Variants in PBRM1 observed in about 807,000 individuals in gnomAD.
PBRM1 encodes protein polybromo-1.
A neutral mutation model predicts 194.5 loss-of-function variants in PBRM1; 27 were observed. The ratio of observed to expected loss-of-function variants is 0.14; its 90% CI spans 0.10 to 0.19. The LOEUF (loss-of-function observed/expected upper bound fraction) is 0.19, where lower values mean the gene tolerates loss of function less well. PBRM1 is among the 10% of genes least tolerant of loss of function. The probability of loss-of-function intolerance (pLI) is 1.00; values close to 1 mark genes in which losing one functional copy is unlikely to be tolerated. For synonymous variants in PBRM1, 655 were observed against 693.2 expected (o/e 0.94, Z 0.87); for missense variants, 1,466 against 2,077.2 (o/e 0.71, Z 5.72).
intron 1 of PBRM1, among the ~76,000 whole-genome samples, chr3:52,679,057 T>C (rs138062508): frequency 1.3e-5 from 2 of 152,224 alleles, no homozygotes; most frequent in African/African-American, 4.8e-5. Context: ...TTCCTGACCA[T>C]CCCCTGCTCT....
intron 9 of PBRM1, among the ~76,000 whole-genome samples, chr3:52,642,608 CAAA>C (rs201394004): frequency 6.9e-4 from 67 of 97,514 alleles, no homozygotes; most frequent in East Asian, 1.6e-3. Context: ...AACTTCGTCT[CAAA>C]AAAAAAAAAA....
At chr3:52,660,944 T>C (rs1416864404) in intron 4 of PBRM1, among the ~76,000 whole-genome samples, 2 of 152,350 alleles carry the variant, frequency 1.3e-5, no homozygotes, top group East Asian at 3.9e-4. Context: ...TGCAATGTGC[T>C]TCTCACAATT....
rs191823388 is a variant in PBRM1, at chr3:52,549,102, C to T, written c.4898-867G>A. On this transcript the variant is annotated intron_variant, in intron 29 of 29. Coordinates refer to ENST00000296302, the Ensembl canonical transcript of PBRM1. ...GTGGTGCGATCTTGGCTCACTGCAA[C>T]CTCCACCTCCGGGTTCAAATGATTC... Among the ~76,000 whole-genome samples the T allele has an allele frequency of 1.9e-3, 292 of 151,834 alleles. 2 individuals are homozygous for T. The highest frequency in any genetic ancestry group is 3.1e-3 in the Non-Finnish European group (214 of 67,970).
chr3:52,561,658 TAAA>T, intron 25 of PBRM1, 106 bp downstream of exon 27: 1 of 959,660 alleles, frequency 1.0e-6, no homozygotes, highest in Non-Finnish European at 1.7e-6. Flanking sequence ...GTCCCCAAAA[TAAA>T]AGTTCATGTG....
intron 7 of PBRM1, among the ~76,000 whole-genome samples, chr3:52,645,595 CA>C: frequency 6.6e-6 from 1 of 151,412 alleles, no homozygotes; most frequent in East Asian, 1.9e-4. Flanking sequence ...TTGCCAGCAT[CA>C]CAACTCTTGT....
At chr3:52,636,775 A>AG (rs1032689747) in intron 10 of PBRM1, among the ~76,000 whole-genome samples, 1 of 148,582 alleles carries the variant, frequency 6.7e-6, no homozygotes, top group African/African-American at 2.5e-5. Context: ...AAAAAAAAAA[A>AG]AAAAAAAAAA....
At chr3:52,578,959 G>T in intron 21 of PBRM1, 95 bp downstream of exon 23, 1 of 1,150,106 alleles carries the variant, frequency 8.7e-7, no homozygotes, top group Non-Finnish European at 1.3e-6. Context: ...ACTGCCAGGG[G>T]AAGGACTTTT....
intron 17 of PBRM1, among the ~76,000 whole-genome samples, chr3:52,596,163 G>C (rs1363845807): frequency 6.6e-6 from 1 of 151,842 alleles, no homozygotes; most frequent in Non-Finnish European, 1.5e-5. Context: ...ATTGTGGCTG[G>C]GCGCGGTGGC....
At chr3:52,628,394 G>A (rs183243230) in intron 12 of PBRM1, among the ~76,000 whole-genome samples, 3 of 148,798 alleles carry the variant, frequency 2.0e-5, no homozygotes, top group Non-Finnish European at 4.5e-5. Context: ...CAGTACTTGA[G>A]GATGAAATAC....
At chr3:52,641,764 A>G (rs1560670052) in intron 10 of PBRM1, among the ~76,000 whole-genome samples, 190 bp downstream of exon 11, 1 of 152,212 alleles carries the variant, frequency 6.6e-6, no homozygotes, top group Non-Finnish European at 1.5e-5. Context: ...ATTTACCCAA[A>G]TATGAGTTTT....
intron 5 of PBRM1, among the ~76,000 whole-genome samples, chr3:52,655,152 AC>A (rs1192502244): frequency 6.6e-6 from 1 of 152,070 alleles, no homozygotes; most frequent in Non-Finnish European, 1.5e-5. Context: ...GTACACTCAC[AC>A]TGCTGTGCAA....
intron 25 of PBRM1, among the ~76,000 whole-genome samples, chr3:52,559,475 A>G (rs944290789): frequency 1.3e-5 from 2 of 152,112 alleles, no homozygotes; most frequent in African/African-American, 4.8e-5. Context: ...CACTCATCAC[A>G]TAGGCAAATG....
chr3:52,684,628 T>C (rs2097279624), upstream of PBRM1, among the ~76,000 whole-genome samples: 1 of 152,238 alleles, frequency 6.6e-6, no homozygotes, highest in African/African-American at 2.4e-5. Context: ...TATATTATTC[T>C]ACAGCCTGTG....
chr3:52,567,806 G>GTTTT (rs1163710948), intron 22 of PBRM1, among the ~76,000 whole-genome samples: 4 of 98,150 alleles, frequency 4.1e-5, no homozygotes, highest in African/African-American at 1.1e-4. Flanking sequence ...TAATTTTTGT[G>GTTTT]TTTTTTTTTT....
At chr3:52,588,928 C>G (rs2092738007) in intron 18 of PBRM1, 142 bp downstream of exon 20, 1 of 623,350 alleles carries the variant, frequency 1.6e-6, no homozygotes, top group South Asian at 1.9e-5. Flanking sequence ...ATGATGGGTG[C>G]TTACTTACAT....
intron 28 of PBRM1, 54 bp from the exon 31 acceptor site, chr3:52,550,691 T>G (rs2080755123): frequency 1.3e-6 from 2 of 1,585,962 alleles, no homozygotes; most frequent in South Asian, 1.1e-5. Context: ...GCACATGTTC[T>G]GAGAAGGATA....
At chr3:52,578,237 T>A (rs1204153149) in intron 21 of PBRM1, among the ~76,000 whole-genome samples, 1 of 152,220 alleles carries the variant, frequency 6.6e-6, no homozygotes, top group African/African-American at 2.4e-5. Flanking sequence ...CTACGGCACG[T>A]ATCATGACCT....
intron 7 of PBRM1, among the ~76,000 whole-genome samples, chr3:52,645,131 T>C (rs1052534381): frequency 6.6e-6 from 1 of 152,188 alleles, no homozygotes; most frequent in Non-Finnish European, 1.5e-5. Flanking sequence ...ACCTTGAACA[T>C]TGCCAAACCT....
rs769405987 is a variant in PBRM1, at chr3:52,587,228, T to C, written c.3123+125A>G. On this transcript the variant is annotated intron_variant, in intron 19 of 29. Transcript: ENST00000296302. ...TCCCAAATCTTTTCATATAGCTATATAGACACGGCTTAAAAAATAGCTTAA... is the reference window on the plus strand; with the variant it reads ...TCCCAAATCTTTTCATATAGCTATACAGACACGGCTTAAAAAATAGCTTAA... 2.6e-5 allele frequency: 20 copies of C among 758,882 alleles called. 1 individual carries two copies. The highest frequency in any genetic ancestry group is 3.6e-5 in the African/African-American group (2 of 55,878). The allele number at this position is 758,882 out of a possible 1,614,324, so 47.0% of individuals were successfully genotyped here.
Sources: allele counts gnomAD v4.1 joint callset (sites outside exome capture counted in the v4.1 genomes callset), GRCh38; gene constraint gnomAD v4.1.1; transcripts MANE v1.5; gene names NCBI Gene and HGNC (gene_info 2026-07-23, HGNC 2026-07-21).